The following TPRX1 variants were observed in gnomAD, a reference collection of about 807,000 sequenced individuals.
The protein encoded by TPRX1 is tetrapeptide repeat homeobox 1.
TPRX1 carries 2 observed loss-of-function variants against 8.1 expected under a neutral mutation model. The observed-to-expected ratio is 0.25, with a 90% CI of 0.10 to 0.78. TPRX1 has a LOEUF of 0.78. Ranked by LOEUF, TPRX1 falls within the 30% of genes least tolerant of loss-of-function variation. The pLI is 0.70. For missense variants in TPRX1, 517 were observed against 586.9 expected (o/e 0.88, Z 1.23); for synonymous variants, 257 against 254.1 (o/e 1.01, Z -0.11).
chr19:47,815,162 A>ATGCAAATATATATATATATTTTT (rs1360730858), intron 2 of TPRX1, among the ~76,000 whole-genome samples: 3 of 74,714 alleles, frequency 4.0e-5, no homozygotes, highest in African/African-American at 1.5e-4. Flanking sequence ...ATATATATAT[A>ATGCAAATATATATATATATTTTT]TTTTTTTTTT....
Position 47,815,151 on chromosome 19 carries a change from TATATATATATA to T in TPRX1, c.151+3306_151+3316del, listed in dbSNP as rs1568617419. The stretch of plus-strand genomic sequence containing the variant: ...ATATATATATATATATATGCAAATA[TATATATATATA>T]TTTTTTTTTTTTGAGACAGTCTTGC... On this transcript the variant is annotated intron_variant, in intron 2 of 3. Transcript: ENST00000535759. Among the ~76,000 whole-genome samples the T allele has an allele frequency of 3.5e-3, 283 of 81,882 alleles. 1 individual carries two copies. Among genetic ancestry groups the T allele is most frequent in the African/African-American group, 0.013 (254 of 19,656 alleles). The allele number at this position is 81,882 out of a possible 152,430, so 53.7% of individuals were successfully genotyped here.
intron 2 of TPRX1, among the ~76,000 whole-genome samples, chr19:47,812,554 T>C (rs1967793343): frequency 6.6e-6 from 1 of 151,274 alleles, no homozygotes; most frequent in Non-Finnish European, 1.5e-5. Context: ...GCCAATATGG[T>C]GAAACTCTGT....
intron 2 of TPRX1, among the ~76,000 whole-genome samples, chr19:47,809,903 G>A (rs1967767167): frequency 6.6e-6 from 1 of 151,938 alleles, no homozygotes; most frequent in Non-Finnish European, 1.5e-5. Flanking sequence ...TGAAGCCTGG[G>A]GCAAGAGTGA....
chr19:47,811,705 G>T (rs1967785115), intron 2 of TPRX1, among the ~76,000 whole-genome samples: 1 of 151,484 alleles, frequency 6.6e-6, no homozygotes, highest in Non-Finnish European at 1.5e-5. Flanking sequence ...CACCATATTG[G>T]CCAGGCTGGT....
At chr19:47,808,745 C>G (rs563391045) in intron 2 of TPRX1, among the ~76,000 whole-genome samples, 1 of 152,014 alleles carries the variant, frequency 6.6e-6, no homozygotes, top group Non-Finnish European at 1.5e-5. Flanking sequence ...TGTGAGCCAC[C>G]GTGCCTGGCC....
chr19:47,802,621 C>T (rs879202596), exon 4 of TPRX1: 22 of 1,541,430 alleles, frequency 1.4e-5, no homozygotes, highest in East Asian at 1.2e-4. Flanking sequence ...GGGCTGGGAT[C>T]GGGCTTGGGA....
intron 2 of TPRX1, among the ~76,000 whole-genome samples, chr19:47,812,417 C>T (rs531993305): frequency 6.6e-6 from 1 of 151,188 alleles, no homozygotes; most frequent in African/African-American, 2.4e-5. Context: ...GGCAACATAG[C>T]GAGATCTTGT....
At chr19:47,805,567 T>A (rs1412772589) in intron 2 of TPRX1, among the ~76,000 whole-genome samples, 1 of 152,170 alleles carries the variant, frequency 6.6e-6, no homozygotes, top group Admixed American at 6.6e-5. Flanking sequence ...GAACTAGAAA[T>A]GACTCATGCA....
exon 4 of TPRX1, chr19:47,802,718 G>C (rs535076712): frequency 5.0e-6 from 8 of 1,592,730 alleles, no homozygotes; most frequent in Non-Finnish European, 8.5e-7. Flanking sequence ...GGCAGGGATC[G>C]GGCCAGGGCC....
chr19:47,801,895 G>C, exon 4 of TPRX1: 1 of 1,614,192 alleles, frequency 6.2e-7, no homozygotes, highest in Non-Finnish European at 8.5e-7. Context: ...GGTACTGAGA[G>C]GTCATGGTGG....
exon 4 of TPRX1, chr19:47,802,831 C>T: frequency 1.3e-6 from 2 of 1,599,836 alleles, no homozygotes; most frequent in Non-Finnish European, 8.5e-7. Context: ...GAAGGATTCC[C>T]GAGGGGCCCC....
intron 2 of TPRX1, among the ~76,000 whole-genome samples, chr19:47,814,640 A>G (rs1297660359): frequency 1.3e-5 from 2 of 152,044 alleles, no homozygotes; most frequent in African/African-American, 4.8e-5. Flanking sequence ...CAACGACCTC[A>G]GAGATGACCT....
Position 47,815,164 on chromosome 19 carries a change from T to TGCAAATATATATATATATATATA in TPRX1, c.151+3303_151+3304insTATATATATATATATATATTTGC, listed in dbSNP as rs1228376903. Among the ~76,000 whole-genome samples, 314 of 49,764 alleles carry TGCAAATATATATATATATATATA rather than the reference T, an allele frequency of 6.3e-3. 5 individuals carry two copies. Among genetic ancestry groups the TGCAAATATATATATATATATATA allele is most frequent in the South Asian group, 0.012 (22 of 1,832 alleles). The allele number at this position is 49,764 out of a possible 152,430, so 32.6% of individuals were successfully genotyped here. ...TATATGCAAATATATATATATATAT[T>TGCAAATATATATATATATATATA]TTTTTTTTTTGAGACAGTCTTGCTA... On this transcript the variant is annotated intron_variant, in intron 2 of 3. Transcript: ENST00000535759.
chr19:47,811,567 C>T (rs1274880463), intron 2 of TPRX1, among the ~76,000 whole-genome samples: 2 of 149,052 alleles, frequency 1.3e-5, no homozygotes, highest in South Asian at 2.1e-4. Flanking sequence ...GGCGCGATCT[C>T]GGCTCACTGC....
At chr19:47,814,079 C>CA (rs1447303797) in intron 2 of TPRX1, among the ~76,000 whole-genome samples, 6 of 145,924 alleles carry the variant, frequency 4.1e-5, no homozygotes, top group African/African-American at 1.5e-4. Context: ...TTTTTTGAGA[C>CA]AGAGTCCTGC....
chr19:47,808,870 A>T (rs1248988872), intron 2 of TPRX1, among the ~76,000 whole-genome samples: 1 of 152,222 alleles, frequency 6.6e-6, no homozygotes, highest in Non-Finnish European at 1.5e-5. Context: ...AGTTAATTGG[A>T]TTAATTCACG....
rs767710487 is a variant in TPRX1 at position 47,802,058 on chromosome 19, G to C, written c.1244C>G (p.Pro415Arg). 3.1e-6 allele frequency: 5 copies of C among 1,604,922 alleles called. No individual in the cohort carries two copies. The South Asian group carries it at 5.6e-5, about 18-fold the overall frequency. The change falls in exon 4 of 4, where the codon CCA becomes CGA. Residue 415 changes from proline to arginine, a missense_variant. Physicochemically the swap from Pro to Arg is moderately radical, Grantham distance 103. Around this residue, in one of 3 missense-constraint regions of TPRX1, gnomAD observed 506 missense variants for 515.5 expected, o/e 0.98. Transcript: ENST00000535759. ...TGATCCTGGGCCTGGGATTGGAGCTGGGACTGAGCCTGAGCCTGGGCCTGA... is the reference window on the plus strand; with the variant it reads ...TGATCCTGGGCCTGGGATTGGAGCTCGGACTGAGCCTGAGCCTGGGCCTGA...
exon 4 of TPRX1, chr19:47,802,529 G>C (rs202132729): frequency 6.5e-7 from 1 of 1,531,684 alleles, no homozygotes; most frequent in African/African-American, 1.5e-5. Flanking sequence ...TGGGATCGGG[G>C]CTGGGCCTGA....
exon 4 of TPRX1, chr19:47,802,121 C>T (rs752965508): frequency 6.3e-7 from 1 of 1,583,770 alleles, no homozygotes; most frequent in Non-Finnish European, 8.6e-7. Flanking sequence ...TGGAAGTGAG[C>T]CAGGGCTTCG....
Sources: gnomAD v4.1 joint callset for allele counts (sites outside exome capture counted in the v4.1 genomes callset) on GRCh38, gnomAD v4.1.1 for gene constraint, gnomAD v4.1.1 regional missense constraint, MANE v1.5 for transcripts, NCBI Gene and HGNC (gene_info 2026-07-23, HGNC 2026-07-21) for gene names.